Variants in SEC14L1 observed in about 807,000 individuals in gnomAD.
The protein encoded by SEC14L1 is SEC14-like protein 1.
In SEC14L1, 48 loss-of-function variants were observed where a neutral mutation model predicts 85.3. That is an observed-to-expected ratio of 0.56 (90% CI 0.45 to 0.72). SEC14L1 has a LOEUF of 0.72. Ranked by LOEUF, SEC14L1 falls within the 30% of genes least tolerant of loss-of-function variation. The pLI is 0.00. For synonymous variants in SEC14L1, 391 were observed against 355.5 expected (o/e 1.10, Z -1.12); for missense variants, 682 against 921.4 (o/e 0.74, Z 3.36).
In SEC14L1 at chr17:77,157,715, A is replaced by G. The variant is rs568309911; in HGVS notation, c.63+14056A>G. On this transcript the variant is annotated intron_variant, in intron 3 of 16. Transcript: ENST00000436233. ...GCTAATTTTTGTATTTTTAGTAGAGACGGGGTTTCACCATGTTGGTCAGGC... is the reference window on the plus strand; with the variant it reads ...GCTAATTTTTGTATTTTTAGTAGAGGCGGGGTTTCACCATGTTGGTCAGGC... Among the ~76,000 whole-genome samples the G allele has an allele frequency of 2.6e-5, 4 of 152,070 alleles. No individual in the cohort carries two copies. In the South Asian group the frequency reaches 8.3e-4, roughly 32 times the overall value.
chr17:77,141,243 C>T (rs1973012118), intron 1 of SEC14L1, 136 bp downstream of exon 1: 1 of 147,008 alleles, frequency 6.8e-6, no homozygotes, highest in African/African-American at 2.5e-5. Context: ...CCAGCCCCGG[C>T]TGCCATCGGC....
intron 5 of SEC14L1, among the ~76,000 whole-genome samples, chr17:77,192,972 G>A (rs1249100894): frequency 1.3e-5 from 2 of 152,132 alleles, no homozygotes; most frequent in Admixed American, 6.5e-5. Context: ...CCCATCCCTG[G>A]TTCTTTTAGC....
chr17:77,135,315 C>G (rs904004960), intron 3 of SEC14L1, among the ~76,000 whole-genome samples: 1 of 152,146 alleles, frequency 6.6e-6, no homozygotes, highest in African/African-American at 2.4e-5. Context: ...CATACTCCCA[C>G]CAGTAACTTC....
At chr17:77,211,600 G>A (rs1976754288) in intron 14 of SEC14L1, 1 of 258,346 alleles carries the variant, frequency 3.9e-6, no homozygotes, top group Admixed American at 5.1e-5. Context: ...CTTCTGTTCT[G>A]TCCAGCCCAG....
intron 13 of SEC14L1, 151 bp from the exon 14 acceptor site, chr17:77,209,191 T>A (rs936201539): frequency 2.5e-6 from 2 of 796,542 alleles, no homozygotes; most frequent in African/African-American, 3.5e-5. Context: ...TGCTCAGTAG[T>A]GCAGAGTGTT....
chr17:77,140,254 G>A (rs1459511165), upstream of SEC14L1, among the ~76,000 whole-genome samples: 2 of 152,190 alleles, frequency 1.3e-5, no homozygotes, highest in African/African-American at 4.8e-5. Context: ...CGTTTCCGAG[G>A]GGCAGGCCCT....
intron 3 of SEC14L1, among the ~76,000 whole-genome samples, chr17:77,168,739 AT>A (rs1185612915): frequency 6.6e-6 from 1 of 152,024 alleles, no homozygotes; most frequent in Non-Finnish European, 1.5e-5. Flanking sequence ...GGGCTCTTCT[AT>A]TTTCCCAGGG....
chr17:77,166,231 A>G (rs988294722), intron 3 of SEC14L1, among the ~76,000 whole-genome samples: 1 of 152,194 alleles, frequency 6.6e-6, no homozygotes, highest in Non-Finnish European at 1.5e-5. Flanking sequence ...CTGAGCCATC[A>G]TGCTTGGCCC....
At chr17:77,103,430 T>C (rs1165696741) in intron 3 of SEC14L1, among the ~76,000 whole-genome samples, 4 of 150,648 alleles carry the variant, frequency 2.7e-5, no homozygotes, top group African/African-American at 9.8e-5. Flanking sequence ...TCTTTTTTGT[T>C]GTTGTTTTTT....
Position 77,216,412 on chromosome 17 carries a change from AGGTAGGGTTCG to A in SEC14L1, c.*2390_*2400del, listed in dbSNP as rs1977099438. ...GGTAGGGCTAGTAGGTAGGGTTCGT[AGGTAGGGTTCG>A]TAGGTAGGGTTCGTAGGTAGGGTTA... is the stretch of plus-strand genomic sequence containing the variant. On this transcript the variant is annotated 3_prime_UTR_variant, in exon 17 of 17. Coordinates refer to ENST00000436233, the MANE Select transcript of SEC14L1 (RefSeq NM_001143998.2). 1.9e-6 allele frequency: 3 copies of A among 1,552,810 alleles called. No homozygotes were observed. In the African/African-American group the frequency reaches 4.1e-5, roughly 21 times the overall value.
intron 8 of SEC14L1, among the ~76,000 whole-genome samples, chr17:77,199,748 C>T (rs1012711760): frequency 2.0e-5 from 3 of 152,124 alleles, no homozygotes; most frequent in Non-Finnish European, 2.9e-5. Context: ...TTTGCGGAAA[C>T]GAAAATGAAA....
chr17:77,140,929 C>T, upstream of SEC14L1: 1 of 151,596 alleles, frequency 6.6e-6, no homozygotes, highest in East Asian at 2.0e-4. Context: ...CCCCGTCACC[C>T]GTAACAACCA....
intron 3 of SEC14L1, among the ~76,000 whole-genome samples, chr17:77,117,942 G>C (rs1388993786): frequency 6.6e-6 from 1 of 152,204 alleles, no homozygotes; most frequent in Non-Finnish European, 1.5e-5. Context: ...CACAAGGCTG[G>C]CACTGAAGTT....
rs145838490 is a variant in SEC14L1 at position 77,116,381 on chromosome 17, G to T, written c.-136+23034G>T. ...GAGTAAAACCCGGAGCCAGAACCCA[G>T]AAGAAGGAGAAATTAATTCTGACCC... On this transcript the variant is annotated intron_variant, in intron 3 of 19. Transcript: ENST00000392476. 1.6e-3 allele frequency among the ~76,000 whole-genome samples: 250 copies of T among 152,232 alleles called. 3 individuals are homozygous for T. Among genetic ancestry groups the T allele is most frequent in the Middle Eastern group, 6.8e-3 (2 of 294 alleles).
Position 77,216,636 on chromosome 17 carries a change from C to CA in SEC14L1, c.*2614dup. On this transcript the variant is annotated 3_prime_UTR_variant, in exon 17 of 17. Coordinates refer to ENST00000436233, the MANE Select transcript of SEC14L1 (RefSeq NM_001143998.2). Reference sequence around the variant, plus strand: ...GATGTTTATAGAACTGTTTGAATTGCAGCCATCCCCTGCCCCCTCCCAGGC... The same window carrying CA: ...GATGTTTATAGAACTGTTTGAATTGCAAGCCATCCCCTGCCCCCTCCCAGGC... 1.2e-5 allele frequency: 19 copies of CA among 1,611,436 alleles called. No homozygotes were observed. Among genetic ancestry groups the CA allele is most frequent in the Non-Finnish European group, 1.4e-5 (17 of 1,178,104 alleles).
At chr17:77,212,460 G>A (rs1386349672) in intron 15 of SEC14L1, among the ~76,000 whole-genome samples, 4 of 152,150 alleles carry the variant, frequency 2.6e-5, no homozygotes, top group Non-Finnish European at 5.9e-5. Context: ...GGCATCGCAC[G>A]CACGGGCCCA....
chr17:77,140,659 A>T (rs1428040047), upstream of SEC14L1: 2 of 151,918 alleles, frequency 1.3e-5, no homozygotes, highest in African/African-American at 4.8e-5. Flanking sequence ...CTACTCGCGA[A>T]GCCCAGCCCG....
At chr17:77,138,463 T>TA (rs1972856813), upstream of SEC14L1, among the ~76,000 whole-genome samples, 1 of 151,580 alleles carries the variant, frequency 6.6e-6, no homozygotes, top group Non-Finnish European at 1.5e-5. Flanking sequence ...CTACTAAAAA[T>TA]AAAAAAATTA....
At chr17:77,192,663 C>CTT (rs1377936355) in intron 5 of SEC14L1, among the ~76,000 whole-genome samples, 3 of 145,564 alleles carry the variant, frequency 2.1e-5, no homozygotes, top group African/African-American at 7.5e-5. Flanking sequence ...AACCCCCAGG[C>CTT]TTTTTTTTTT....
Sources: allele counts gnomAD v4.1 joint callset (sites outside exome capture counted in the v4.1 genomes callset), GRCh38; gene constraint gnomAD v4.1.1; transcripts MANE v1.5; gene names NCBI Gene and HGNC (gene_info 2026-07-23, HGNC 2026-07-21).